The following TENM2 variants were observed in gnomAD, a reference collection of about 807,000 sequenced individuals.
TENM2 encodes teneurin-2.
A neutral mutation model predicts 245.2 loss-of-function variants in TENM2; 52 were observed. That is an observed-to-expected ratio of 0.21 (90% CI 0.17 to 0.27). The LOEUF is 0.27. Ranked by LOEUF, TENM2 falls within the 10% of genes least tolerant of loss-of-function variation. TENM2 has a pLI of 1.00. For missense variants in TENM2, 3,046 were observed against 3,666.8 expected, an observed-to-expected ratio of 0.83 and a Z score of 4.37; for synonymous variants, 1,363 against 1,438.9, an observed-to-expected ratio of 0.95 and a Z score of 1.19.
chr5:168,248,135 A>G, exon 27 of TENM2: 1 of 1,613,932 alleles, frequency 6.2e-7, no homozygotes, highest in Non-Finnish European at 8.5e-7. Context: ...GAGATTTATT[A>G]TGACTCCAAC....
intron 2 of TENM2, among the ~76,000 whole-genome samples, chr5:167,469,230 T>C (rs1171059603): frequency 6.6e-6 from 1 of 152,122 alleles, no homozygotes; most frequent in Non-Finnish European, 1.5e-5. Flanking sequence ...AAAATGCATA[T>C]TTTCATGTCT....
the TENM2 span, among the ~76,000 whole-genome samples, chr5:167,258,449 C>T: frequency 1.3e-5 from 2 of 152,044 alleles, no homozygotes. Context: ...TGCTGGCTCC[C>T]ACAGGAACCA....
the TENM2 span, among the ~76,000 whole-genome samples, chr5:167,163,102 T>A: frequency 6.6e-6 from 1 of 152,192 alleles, no homozygotes; most frequent in African/African-American, 2.4e-5. Flanking sequence ...TCTGGTAACC[T>A]CCTTTTTTAT....
At position 167,564,106 on chromosome 5, in the gene TENM2, A is replaced by G. The variant is rs550483159; in HGVS notation, c.502+188633A>G. On this transcript the variant is annotated intron_variant, in intron 2 of 28. Transcript: ENST00000518659. ...CTTACATTCTGAGAAAGCGAGTCAGACAGTGACCAAAATCAGTAAACCATA... is the reference window on the plus strand; with the variant it reads ...CTTACATTCTGAGAAAGCGAGTCAGGCAGTGACCAAAATCAGTAAACCATA... 9.2e-5 allele frequency among the ~76,000 whole-genome samples: 14 copies of G among 152,346 alleles called. No individual in the cohort carries two copies. The South Asian group carries it at 2.3e-3, about 25-fold the overall frequency.
chr5:167,397,345 A>C (rs2127378161), intron 2 of TENM2, among the ~76,000 whole-genome samples: 1 of 152,310 alleles, frequency 6.6e-6, no homozygotes, highest in African/African-American at 2.4e-5. Context: ...CAGGAGACTT[A>C]AGTCCTTATT....
chr5:167,759,612 T>C (rs1032011662), intron 2 of TENM2, among the ~76,000 whole-genome samples: 2 of 152,082 alleles, frequency 1.3e-5, no homozygotes, highest in African/African-American at 2.4e-5. Context: ...GGGAAAGGAA[T>C]GTAGACAACA....
chr5:167,082,196 G>A, the TENM2 span, among the ~76,000 whole-genome samples: 1 of 152,170 alleles, frequency 6.6e-6, no homozygotes, highest in Non-Finnish European at 1.5e-5. Flanking sequence ...ATTACCAGAA[G>A]AGCGAAATGC....
At chr5:168,093,460 A>G (rs1793110770) in intron 8 of TENM2, among the ~76,000 whole-genome samples, 1 of 152,208 alleles carries the variant, frequency 6.6e-6, no homozygotes, top group African/African-American at 2.4e-5. Context: ...TCTCCCACAC[A>G]TTCCTATCAT....
intron 12 of TENM2, among the ~76,000 whole-genome samples, chr5:168,161,562 C>T (rs1316222380): frequency 6.6e-6 from 1 of 152,124 alleles, no homozygotes; most frequent in Non-Finnish European, 1.5e-5. Flanking sequence ...CTTGCCAGCA[C>T]GTAGGTTTTG....
the TENM2 span, among the ~76,000 whole-genome samples, chr5:167,048,142 CCT>C: frequency 1.3e-5 from 2 of 151,994 alleles, no homozygotes; most frequent in East Asian, 1.9e-4. Flanking sequence ...CTATGTTTCC[CCT>C]GTTTACCAAG....
chr5:167,213,328 G>A, the TENM2 span, among the ~76,000 whole-genome samples: 1 of 152,184 alleles, frequency 6.6e-6, no homozygotes, highest in Admixed American at 6.5e-5. Context: ...TTGGAGGCTG[G>A]GAAGTACAAG....
intron 1 of TENM2, among the ~76,000 whole-genome samples, chr5:167,317,927 G>A (rs147046710): frequency 7.3e-4 from 111 of 152,244 alleles, no homozygotes; most frequent in African/African-American, 2.4e-3. Flanking sequence ...ATGCCCTACC[G>A]CCATGTCTCC....
intron 2 of TENM2, among the ~76,000 whole-genome samples, chr5:167,569,094 T>C (rs1184141093): frequency 6.8e-6 from 1 of 147,508 alleles, no homozygotes; most frequent in African/African-American, 2.5e-5. Flanking sequence ...TTTTTTTTTT[T>C]TTTTTTTTTT....
At chr5:167,685,710 G>A (rs1339310501) in intron 2 of TENM2, among the ~76,000 whole-genome samples, 1 of 152,076 alleles carries the variant, frequency 6.6e-6, no homozygotes, top group Non-Finnish European at 1.5e-5. Flanking sequence ...TGATAAATAG[G>A]TTATCTGTAA....
intron 9 of TENM2, among the ~76,000 whole-genome samples, chr5:168,104,581 T>C (rs1460652588): frequency 6.6e-6 from 1 of 152,182 alleles, no homozygotes; most frequent in African/African-American, 2.4e-5. Context: ...AAATGCGGAT[T>C]TACTCTCTTG....
chr5:167,656,294 C>A (rs1754835453), intron 2 of TENM2, among the ~76,000 whole-genome samples: 1 of 152,132 alleles, frequency 6.6e-6, no homozygotes, highest in African/African-American at 2.4e-5. Context: ...ACTGACTTAG[C>A]ATGTCTCCTG....
chr5:167,728,834 A>T (rs1760220449), intron 2 of TENM2: 1 of 152,254 alleles, frequency 6.6e-6, no homozygotes, highest in Admixed American at 6.5e-5. Flanking sequence ...GGCACTGAAG[A>T]GGAGATTCAA....
At position 167,637,886 on chromosome 5, in the gene TENM2, G is replaced by A. The variant is rs1003925681; in HGVS notation, c.503-238100G>A. On this transcript the variant is annotated intron_variant, in intron 2 of 28. Transcript: ENST00000518659. ...ATGAGGAGCTTAAAACCTAGATGAC[G>A]GTTTAATAGGTGCAGCAAACCACCA... 2.6e-5 allele frequency among the ~76,000 whole-genome samples: 4 copies of A among 151,564 alleles called. No individual in the cohort carries two copies. In the East Asian group the frequency reaches 5.8e-4, roughly 22 times the overall value.
intron 2 of TENM2, among the ~76,000 whole-genome samples, chr5:167,614,021 G>C (rs1777631757): frequency 6.6e-6 from 1 of 151,900 alleles, no homozygotes; most frequent in Non-Finnish European, 1.5e-5. Context: ...TAAATTTTAG[G>C]AATCTTTAGA....
Sources: gnomAD v4.1 joint callset for allele counts (sites outside exome capture counted in the v4.1 genomes callset) on GRCh38, gnomAD v4.1.1 for gene constraint, MANE v1.5 for transcripts, NCBI Gene and HGNC (gene_info 2026-07-23, HGNC 2026-07-21) for gene names.